The following ARL15 variants were observed in gnomAD, a reference collection of about 807,000 sequenced individuals.
ARL15 encodes ARF like GTPase 15, also known as ADP-ribosylation factor-like protein 15.
Under a neutral mutation model 25.2 loss-of-function variants are expected in ARL15, and 19 were observed. That is an observed-to-expected ratio of 0.75 (90% confidence interval 0.53 to 1.10). The LOEUF (loss-of-function observed/expected upper bound fraction) is 1.10, where lower values mean the gene tolerates loss of function less well. Among genes scored for constraint, ARL15 ranks in the 50% least tolerant of loss-of-function variants. The pLI is 0.00. For missense variants in ARL15, 220 were observed against 246.0 expected (o/e 0.89, Z 0.71); for synonymous variants, 94 against 86.8 (o/e 1.08, Z -0.46).
chr5:54,099,026 T>C (rs1752363630), intron 4 of ARL15, among the ~76,000 whole-genome samples: 1 of 152,074 alleles, frequency 6.6e-6, no homozygotes, highest in South Asian at 2.1e-4. Context: ...GAAACAACAA[T>C]CTGTCAATCA....
intron 4 of ARL15, among the ~76,000 whole-genome samples, chr5:54,061,036 A>C (rs1324033114): frequency 6.6e-6 from 1 of 152,216 alleles, no homozygotes; most frequent in Admixed American, 6.5e-5. Context: ...TTAATCCCCA[A>C]GACAATGGGA....
chr5:54,034,214 T>C (rs891887014), intron 4 of ARL15, among the ~76,000 whole-genome samples: 2 of 152,240 alleles, frequency 1.3e-5, no homozygotes, highest in African/African-American at 2.4e-5. Context: ...GACGTTCCCA[T>C]TGTTTTCACT....
chr5:54,082,632 C>G (rs376249875), intron 4 of ARL15, among the ~76,000 whole-genome samples: 1 of 152,100 alleles, frequency 6.6e-6, no homozygotes, highest in Non-Finnish European at 1.5e-5. Context: ...GGAAGAAGCC[C>G]TCACACCAGC....
intron 4 of ARL15, among the ~76,000 whole-genome samples, chr5:54,076,716 T>A (rs1751621411): frequency 6.6e-6 from 1 of 152,114 alleles, no homozygotes; most frequent in East Asian, 1.9e-4. Flanking sequence ...TGGAGGTATA[T>A]AATTACAACA....
chr5:54,088,132 A>G (rs1752030823), intron 4 of ARL15, among the ~76,000 whole-genome samples: 1 of 152,246 alleles, frequency 6.6e-6, no homozygotes, highest in Non-Finnish European at 1.5e-5. Context: ...GACTGTTTCC[A>G]GAAAGCATAT....
At chr5:54,237,740 C>A (rs1394666822) in intron 1 of ARL15, among the ~76,000 whole-genome samples, 1 of 152,166 alleles carries the variant, frequency 6.6e-6, no homozygotes, top group Non-Finnish European at 1.5e-5. Flanking sequence ...TGCGGGTGAT[C>A]CTTTGTAGAA....
At chr5:54,189,517 C>T (rs1470452321) in intron 1 of ARL15, among the ~76,000 whole-genome samples, 1 of 152,042 alleles carries the variant, frequency 6.6e-6, no homozygotes, top group African/African-American at 2.4e-5. Flanking sequence ...TGATTTTGGG[C>T]AAGGGTGAAA....
intron 4 of ARL15, among the ~76,000 whole-genome samples, chr5:53,898,812 C>T (rs985710299): frequency 2.8e-4 from 43 of 151,838 alleles, no homozygotes; most frequent in African/African-American, 9.9e-4. Flanking sequence ...ACCACCATGC[C>T]TGGCTAATTT....
chr5:54,104,794 A>G (rs1305577108), intron 4 of ARL15, among the ~76,000 whole-genome samples: 1 of 152,154 alleles, frequency 6.6e-6, no homozygotes, highest in African/African-American at 2.4e-5. Context: ...ATAAGAAAAT[A>G]TTAAGACTAT....
At chr5:54,056,058 T>C (rs1020067421) in intron 4 of ARL15, among the ~76,000 whole-genome samples, 5 of 152,136 alleles carry the variant, frequency 3.3e-5, no homozygotes, top group Non-Finnish European at 7.4e-5. Context: ...ACAAAAGGAG[T>C]ATGCATACTG....
chr5:54,050,006 GC>G (rs1750658322), intron 4 of ARL15, among the ~76,000 whole-genome samples: 1 of 152,138 alleles, frequency 6.6e-6, no homozygotes, highest in South Asian at 2.1e-4. Context: ...TACTGTACTA[GC>G]CTTCCTCTTC....
At chr5:54,002,329 AG>A (rs1748873607) in intron 4 of ARL15, among the ~76,000 whole-genome samples, 1 of 152,212 alleles carries the variant, frequency 6.6e-6, no homozygotes, top group African/African-American at 2.4e-5. Flanking sequence ...AATGGTTGAG[AG>A]GCAAAGGAAG....
At chr5:54,003,662 T>TTCTATCTATCTA (rs34463762) in intron 4 of ARL15, among the ~76,000 whole-genome samples, 20 of 138,324 alleles carry the variant, frequency 1.4e-4, no homozygotes, top group South Asian at 2.4e-4. Flanking sequence ...AATATTTTCT[T>TTCTATCTATCTA]TCTATCTATC....
intron 1 of ARL15, among the ~76,000 whole-genome samples, chr5:54,269,819 G>A (rs1057379047): frequency 2.0e-5 from 3 of 152,048 alleles, no homozygotes; most frequent in Admixed American, 2.0e-4. Context: ...CTAATTTTTT[G>A]TATTTTTAAT....
chr5:53,936,042 C>T (rs541720660), intron 4 of ARL15, among the ~76,000 whole-genome samples: 1 of 152,058 alleles, frequency 6.6e-6, no homozygotes, highest in East Asian at 1.9e-4. Context: ...GCCATCGTGC[C>T]CGGCCTCTGA....
At chr5:54,146,762 G>A (rs1169265804) in intron 3 of ARL15, among the ~76,000 whole-genome samples, 1 of 151,958 alleles carries the variant, frequency 6.6e-6, no homozygotes, top group African/African-American at 2.4e-5. Context: ...TTGCCAGGGG[G>A]GTCAAAAGGC....
intron 3 of ARL15, among the ~76,000 whole-genome samples, chr5:54,115,184 T>A (rs545776064): frequency 6.6e-6 from 1 of 152,202 alleles, no homozygotes; most frequent in Admixed American, 6.5e-5. Flanking sequence ...GAGCAGCTTA[T>A]ATTTTCTGGG....
intron 1 of ARL15, among the ~76,000 whole-genome samples, chr5:54,199,888 C>G: frequency 1.1e-5 from 1 of 90,430 alleles, no homozygotes; most frequent in African/African-American, 4.5e-5. Context: ...AGACTTGGAA[C>G]CAACCCAAAT....
intron 2 of ARL15, among the ~76,000 whole-genome samples, chr5:54,170,677 T>A (rs1754689291): frequency 6.6e-6 from 1 of 152,122 alleles, no homozygotes; most frequent in Non-Finnish European, 1.5e-5. Flanking sequence ...CTTATCAACC[T>A]CAAATCTAAT....
Sources: gnomAD v4.1 joint callset for allele counts (sites outside exome capture counted in the v4.1 genomes callset) on GRCh38, gnomAD v4.1.1 for gene constraint, MANE v1.5 for transcripts, NCBI Gene and HGNC (gene_info 2026-07-23, HGNC 2026-07-21) for gene names.